Variants in POLR3B observed in about 807,000 individuals in gnomAD.
POLR3B encodes the protein DNA-directed RNA polymerase III subunit RPC2.
Under a neutral mutation model 147.4 loss-of-function variants are expected in POLR3B, and 96 were observed. That is an observed-to-expected ratio of 0.65 (90% CI 0.55 to 0.77). The LOEUF is 0.77. Ranked by LOEUF, POLR3B falls within the 30% of genes least tolerant of loss-of-function variation. The probability of loss-of-function intolerance (pLI) is 0.00; values close to 1 mark genes in which losing one functional copy is unlikely to be tolerated. For synonymous variants in POLR3B, 461 were observed against 485.9 expected, an observed-to-expected ratio of 0.95 and a Z score of 0.67; for missense variants, 1,036 against 1,413.5, an observed-to-expected ratio of 0.73 and a Z score of 4.28.
chr12:106,478,234 A>G (rs925801036), intron 23 of POLR3B, among the ~76,000 whole-genome samples: 2 of 152,032 alleles, frequency 1.3e-5, no homozygotes, highest in African/African-American at 4.8e-5. Flanking sequence ...AATGAAAACA[A>G]CACACCTAAT....
chr12:106,373,742 A>C (rs1476079051), intron 6 of POLR3B, among the ~76,000 whole-genome samples: 1 of 152,034 alleles, frequency 6.6e-6, no homozygotes, highest in Non-Finnish European at 1.5e-5. Context: ...CAACAGAGCG[A>C]GACTCCATCT....
At position 106,366,498 on chromosome 12, in the gene POLR3B, C is replaced by T; in HGVS notation, c.106-18C>T. 1 of 1,582,736 alleles carries T rather than the reference C, an allele frequency of 6.3e-7. No homozygotes were observed. Among genetic ancestry groups the T allele is most frequent in the East Asian group, 2.2e-5 (1 of 44,708 alleles). ...GCACTTTTGCTAACCTGTTTACTTT[C>T]TCTTTCTATCTGTTTAGGTGAAAGG... On this transcript the variant is annotated intron_variant, in intron 2 of 27. Transcript: ENST00000228347.
intron 12 of POLR3B, 27 bp downstream of exon 12, chr12:106,410,987 C>G (rs1565888137): frequency 6.2e-7 from 1 of 1,600,018 alleles, no homozygotes; most frequent in East Asian, 2.2e-5. Flanking sequence ...TGTCAGAAAT[C>G]TTGTTTTCCT....
At chr12:106,502,306 G>A (rs1592781795) in intron 26 of POLR3B, among the ~76,000 whole-genome samples, 1 of 152,212 alleles carries the variant, frequency 6.6e-6, no homozygotes, top group East Asian at 1.9e-4. Context: ...CCCAGGCCTT[G>A]GAGTCAGACA....
chr12:106,494,477 C>T (rs1032315902), intron 23 of POLR3B, among the ~76,000 whole-genome samples: 6 of 152,186 alleles, frequency 3.9e-5, no homozygotes, highest in African/African-American at 4.8e-5. Flanking sequence ...CATTCTCCCC[C>T]GAGCTCGTCC....
intron 10 of POLR3B, among the ~76,000 whole-genome samples, chr12:106,404,951 G>A (rs1457617364): frequency 6.6e-6 from 1 of 151,976 alleles, no homozygotes; most frequent in Non-Finnish European, 1.5e-5. Flanking sequence ...TTTAGTTTAT[G>A]GATAGTTGTT....
At chr12:106,361,210 G>A (rs35702527) in intron 1 of POLR3B, among the ~76,000 whole-genome samples, 164 of 152,256 alleles carry the variant, frequency 1.1e-3, no homozygotes, top group African/African-American at 3.8e-3. Flanking sequence ...AAGTATTGCC[G>A]CAGACCAGCT....
chr12:106,437,515 A>G (rs1385027597), intron 17 of POLR3B, among the ~76,000 whole-genome samples, 166 bp from the exon 18 acceptor site: 1 of 152,202 alleles, frequency 6.6e-6, no homozygotes, highest in African/African-American at 2.4e-5. Context: ...GTTTGTGGTT[A>G]CTGTGTGAGC....
At chr12:106,462,775 C>T (rs2037957561) in intron 22 of POLR3B, among the ~76,000 whole-genome samples, 1 of 152,178 alleles carries the variant, frequency 6.6e-6, no homozygotes, top group Non-Finnish European at 1.5e-5. Flanking sequence ...CAGGTTGCCA[C>T]TCTGTCAGTG....
intron 8 of POLR3B, among the ~76,000 whole-genome samples, chr12:106,378,639 T>C (rs1403957421): frequency 1.3e-5 from 2 of 151,116 alleles, no homozygotes; most frequent in South Asian, 2.1e-4. Flanking sequence ...TTATAGAGCA[T>C]GAAAGGAGAT....
intron 22 of POLR3B, among the ~76,000 whole-genome samples, chr12:106,461,722 T>A (rs150580324): frequency 1.3e-5 from 2 of 152,300 alleles, no homozygotes; most frequent in Non-Finnish European, 2.9e-5. Context: ...TTGACACCAC[T>A]GACCTCTCTC....
intron 23 of POLR3B, among the ~76,000 whole-genome samples, chr12:106,482,788 G>A (rs931744915): frequency 6.6e-6 from 1 of 152,078 alleles, no homozygotes; most frequent in African/African-American, 2.4e-5. Context: ...ATATAATATG[G>A]TATCCACTTA....
At chr12:106,403,019 G>A (rs1248262792) in intron 10 of POLR3B, among the ~76,000 whole-genome samples, 10 of 151,550 alleles carry the variant, frequency 6.6e-5, no homozygotes, top group African/African-American at 2.2e-4. Flanking sequence ...AGAGTGAACA[G>A]GCAACCTACA....
chr12:106,496,666 C>T (rs970761338), intron 24 of POLR3B, 86 bp from the exon 25 acceptor site: 8 of 1,128,054 alleles, frequency 7.1e-6, no homozygotes, highest in African/African-American at 4.6e-5. Flanking sequence ...TAATAGTGGT[C>T]GTGGGGAAAT....
At chr12:106,369,866 G>A (rs191868251) in intron 6 of POLR3B, among the ~76,000 whole-genome samples, 183 bp downstream of exon 6, 2 of 152,124 alleles carry the variant, frequency 1.3e-5, no homozygotes, top group African/African-American at 2.4e-5. Flanking sequence ...TTTATTAATT[G>A]TGAAACCTTT....
chr12:106,411,484 A>G (rs1428893269), intron 12 of POLR3B, among the ~76,000 whole-genome samples: 2 of 152,172 alleles, frequency 1.3e-5, no homozygotes, highest in African/African-American at 2.4e-5. Context: ...TTTTGTTGGG[A>G]TGTTTACCCT....
chr12:106,505,697 C>T (rs1366672046), intron 27 of POLR3B, among the ~76,000 whole-genome samples: 2 of 152,190 alleles, frequency 1.3e-5, no homozygotes, highest in African/African-American at 2.4e-5. Flanking sequence ...CCCAGAGTGC[C>T]TTTTCTCTAG....
intron 12 of POLR3B, among the ~76,000 whole-genome samples, chr12:106,421,801 G>A (rs1270064552): frequency 1.3e-5 from 2 of 151,996 alleles, no homozygotes; most frequent in Non-Finnish European, 2.9e-5. Context: ...CTGGGTTCAG[G>A]TGATCCTCCT....
chr12:106,395,801 C>G (rs993997879), intron 10 of POLR3B, among the ~76,000 whole-genome samples: 3 of 151,998 alleles, frequency 2.0e-5, no homozygotes, highest in African/African-American at 7.3e-5. Flanking sequence ...GAAACCCCGC[C>G]TCTACTAGAA....
Sources: allele counts gnomAD v4.1 joint callset (sites outside exome capture counted in the v4.1 genomes callset), GRCh38; gene constraint gnomAD v4.1.1; transcripts MANE v1.5; gene names NCBI Gene and HGNC (gene_info 2026-07-23, HGNC 2026-07-21).